Variants in CCSER1 observed in about 807,000 individuals in gnomAD.
CCSER1 encodes the protein coiled-coil serine rich protein 1, also known as serine-rich coiled-coil domain-containing protein 1.
A neutral mutation model predicts 82.0 loss-of-function variants in CCSER1; 41 were observed. The ratio of observed to expected loss-of-function variants is 0.50; its 90% CI spans 0.39 to 0.65. The LOEUF is 0.65. CCSER1 is among the 30% of genes least tolerant of loss of function. CCSER1 has a pLI of 0.00. For synonymous variants in CCSER1, 414 were observed against 383.9 expected, an observed-to-expected ratio of 1.08 and a Z score of -0.92; for missense variants, 1,119 against 1,064.2, an observed-to-expected ratio of 1.05 and a Z score of -0.72.
chr4:91,447,942 GTATAT>G (rs766156531), intron 10 of CCSER1, among the ~76,000 whole-genome samples: 15 of 152,028 alleles, frequency 9.9e-5, no homozygotes, highest in Non-Finnish European at 2.1e-4. Flanking sequence ...CTTATTAAGT[GTATAT>G]TATGTTTTAT....
intron 10 of CCSER1, among the ~76,000 whole-genome samples, chr4:91,177,448 C>A (rs572173815): frequency 6.6e-6 from 1 of 152,258 alleles, no homozygotes; most frequent in Admixed American, 6.5e-5. Flanking sequence ...CCATCTGGTC[C>A]TGGACTTTTT....
chr4:90,185,078 T>C (rs1734369861), intron 1 of CCSER1, among the ~76,000 whole-genome samples: 1 of 152,066 alleles, frequency 6.6e-6, no homozygotes, highest in Non-Finnish European at 1.5e-5. Flanking sequence ...TGTCACTCGC[T>C]GTTGTATCTG....
At chr4:91,543,861 G>A (rs536519765) in intron 10 of CCSER1, among the ~76,000 whole-genome samples, 146 of 152,284 alleles carry the variant, frequency 9.6e-4, no homozygotes, top group African/African-American at 3.4e-3. Context: ...TTGCTTGGTT[G>A]GGGAAGTTCT....
intron 3 of CCSER1, among the ~76,000 whole-genome samples, chr4:90,376,936 C>A (rs10026538): frequency 6.6e-6 from 1 of 151,930 alleles, no homozygotes; most frequent in Non-Finnish European, 1.5e-5. Context: ...GGTATGGTTA[C>A]TGCCAGTCAT....
At chr4:91,304,903 G>GA (rs1744934993) in intron 10 of CCSER1, among the ~76,000 whole-genome samples, 2 of 151,988 alleles carry the variant, frequency 1.3e-5, no homozygotes, top group South Asian at 4.1e-4. Context: ...ATTATATGGT[G>GA]AATCATATGT....
intron 3 of CCSER1, among the ~76,000 whole-genome samples, chr4:90,353,958 G>T (rs1743966667): frequency 6.6e-6 from 1 of 152,138 alleles, no homozygotes; most frequent in Admixed American, 6.6e-5. Context: ...AACAAAATTG[G>T]CTTCCTTTGA....
At chr4:90,589,175 G>T in intron 5 of CCSER1, among the ~76,000 whole-genome samples, 1 of 152,194 alleles carries the variant, frequency 6.6e-6, no homozygotes, top group South Asian at 2.1e-4. Context: ...ATTAGGTAAA[G>T]GAGGAAAGCA....
intron 3 of CCSER1, among the ~76,000 whole-genome samples, chr4:90,350,540 AAAC>A (rs748700909): frequency 3.0e-4 from 46 of 152,286 alleles, no homozygotes; most frequent in Non-Finnish European, 6.2e-4. Context: ...GTAATTTGAA[AAAC>A]AACAAGGCCA....
At chr4:91,436,579 A>T (rs553209249) in intron 10 of CCSER1, among the ~76,000 whole-genome samples, 2 of 152,370 alleles carry the variant, frequency 1.3e-5, no homozygotes, top group South Asian at 4.1e-4. Flanking sequence ...AGCTACATAG[A>T]TTTACAGTAT....
chr4:90,309,642 G>A (rs888259511), intron 2 of CCSER1, 34 bp downstream of exon 2: 8 of 1,456,180 alleles, frequency 5.5e-6, no homozygotes, highest in African/African-American at 2.8e-5. Context: ...CAAATGATAT[G>A]AATTAATTTT....
At chr4:91,497,606 G>C (rs1397028193) in intron 10 of CCSER1, among the ~76,000 whole-genome samples, 2 of 151,724 alleles carry the variant, frequency 1.3e-5, no homozygotes, top group African/African-American at 2.4e-5. Context: ...TATTTTAAAG[G>C]AGTTACCGTG....
Position 91,408,358 on chromosome 4 carries a change from T to C in CCSER1, c.2218-190214T>C, listed in dbSNP as rs545939055. 9.2e-5 allele frequency among the ~76,000 whole-genome samples: 14 copies of C among 152,332 alleles called. 1 individual carries two copies. The South Asian group carries it at 2.9e-3, about 32-fold the overall frequency. ...TTTAGTATAATTCTCTACTATCAAT[T>C]GTACAAGAATGCTTTATCTCATGAT... On this transcript the variant is annotated intron_variant, in intron 10 of 10. Coordinates refer to ENST00000509176, the MANE Select transcript of CCSER1 (RefSeq NM_001145065.2).
chr4:90,889,382 T>C (rs1476471054), intron 8 of CCSER1, among the ~76,000 whole-genome samples: 4 of 152,142 alleles, frequency 2.6e-5, no homozygotes, highest in South Asian at 2.1e-4. Context: ...CTACCCCTCC[T>C]TCTCCCCACG....
intron 10 of CCSER1, among the ~76,000 whole-genome samples, chr4:91,246,207 TA>T (rs1263361484): frequency 6.6e-6 from 1 of 152,166 alleles, no homozygotes; most frequent in Admixed American, 6.5e-5. Flanking sequence ...AACAGAAAGT[TA>T]AAAAGCAGGG....
intron 10 of CCSER1, among the ~76,000 whole-genome samples, chr4:91,525,818 C>G (rs1760738500): frequency 6.6e-6 from 1 of 152,144 alleles, no homozygotes; most frequent in Non-Finnish European, 1.5e-5. Context: ...ACACTAAATT[C>G]TAAGCCCCAC....
Position 91,602,207 on chromosome 4 carries a change from G to A in CCSER1, c.*3150G>A, listed in dbSNP as rs72886336. Among the ~76,000 whole-genome samples, 2,174 of 152,078 alleles carry A rather than the reference G, an allele frequency of 0.014. 61 individuals are homozygous for A. The highest frequency in any genetic ancestry group is 0.05 in the African/African-American group (2,063 of 41,532). ...TGTAGGCATAGTTGCCCCACTTAAA[G>A]TGTTTACAAAGATTTTCATGATTAA... On this transcript the variant is annotated 3_prime_UTR_variant, in exon 11 of 11. Coordinates refer to ENST00000509176, the MANE Select transcript of CCSER1 (RefSeq NM_001145065.2).
chr4:90,591,201 GT>G (rs1239656282), intron 5 of CCSER1, among the ~76,000 whole-genome samples: 4 of 152,050 alleles, frequency 2.6e-5, no homozygotes, highest in Non-Finnish European at 5.9e-5. Context: ...AGAAAATGGG[GT>G]TTTCTAAATA....
chr4:91,122,641 C>A (rs1460241121), intron 10 of CCSER1, among the ~76,000 whole-genome samples: 1 of 151,676 alleles, frequency 6.6e-6, no homozygotes, highest in Non-Finnish European at 1.5e-5. Context: ...GATCATATTC[C>A]GTTGGAAGTG....
chr4:91,506,637 A>T (rs894171114), intron 10 of CCSER1, among the ~76,000 whole-genome samples: 2 of 152,178 alleles, frequency 1.3e-5, no homozygotes, highest in African/African-American at 4.8e-5. Flanking sequence ...AAATAGGAAT[A>T]ATGTGCTTTT....
Sources: allele counts gnomAD v4.1 joint callset (sites outside exome capture counted in the v4.1 genomes callset), GRCh38; gene constraint gnomAD v4.1.1; transcripts MANE v1.5; gene names NCBI Gene and HGNC (gene_info 2026-07-23, HGNC 2026-07-21).